Variants in KMT2C observed in about 807,000 individuals in gnomAD.
KMT2C encodes histone-lysine N-methyltransferase 2C.
Under a neutral mutation model 507.9 loss-of-function variants are expected in KMT2C, and 88 were observed. The ratio of observed to expected loss-of-function variants is 0.17; its 90% confidence interval spans 0.15 to 0.21. The LOEUF is 0.21. Among genes scored for constraint, KMT2C ranks in the 10% least tolerant of loss-of-function variants. The pLI is 1.00. For synonymous variants in KMT2C, 2,049 were observed against 2,080.8 expected, an observed-to-expected ratio of 0.98 and a Z score of 0.42; for missense variants, 4,954 against 5,957.8, an observed-to-expected ratio of 0.83 and a Z score of 5.55.
chr7:152,307,181 A>G (rs1330287074), intron 6 of KMT2C, among the ~76,000 whole-genome samples: 1 of 138,912 alleles, frequency 7.2e-6, no homozygotes, highest in African/African-American at 2.6e-5. Flanking sequence ...AAGAGGAAGG[A>G]AGGAAAGAAG....
chr7:152,317,300 C>CA (rs1209983953), intron 3 of KMT2C, among the ~76,000 whole-genome samples: 2 of 152,160 alleles, frequency 1.3e-5, no homozygotes, highest in Non-Finnish European at 2.9e-5. Flanking sequence ...TCAAACACCT[C>CA]AGAGTAATTT....
At chr7:152,158,705 G>A (rs2092258221) in intron 44 of KMT2C, among the ~76,000 whole-genome samples, 158 bp downstream of exon 44, 1 of 152,020 alleles carries the variant, frequency 6.6e-6, no homozygotes, top group Non-Finnish European at 1.5e-5. Context: ...TCGTAGAGAT[G>A]AGGTTTTGCC....
chr7:152,307,533 C>T (rs1335192144), intron 6 of KMT2C, among the ~76,000 whole-genome samples: 2 of 152,116 alleles, frequency 1.3e-5, no homozygotes, highest in East Asian at 3.9e-4. Flanking sequence ...TTCTAATCCC[C>T]ACATGGTCTA....
intron 6 of KMT2C, among the ~76,000 whole-genome samples, chr7:152,277,452 T>TA (rs1338035268): frequency 6.6e-6 from 1 of 152,170 alleles, no homozygotes; most frequent in Non-Finnish European, 1.5e-5. Flanking sequence ...AAAAGTTATG[T>TA]AAATATCTAA....
At chr7:152,367,573 T>C (rs950161014) in intron 1 of KMT2C, 33 of 1,273,058 alleles carry the variant, frequency 2.6e-5, no homozygotes, top group Non-Finnish European at 3.2e-5. Context: ...CCTTACAGAT[T>C]TGTATGCTCC....
chr7:152,284,698 A>T (rs556953507), intron 6 of KMT2C, among the ~76,000 whole-genome samples: 7 of 152,316 alleles, frequency 4.6e-5, no homozygotes, highest in East Asian at 3.9e-4. Flanking sequence ...TATATAAAAA[A>T]ACTCTTACAA....
chr7:152,281,693 C>T (rs182046712), intron 6 of KMT2C, among the ~76,000 whole-genome samples: 7 of 152,064 alleles, frequency 4.6e-5, no homozygotes, highest in African/African-American at 1.7e-4. Flanking sequence ...GATCGCGCCA[C>T]TGCACTCCAG....
chr7:152,253,092 T>G (rs1315249352), intron 9 of KMT2C, among the ~76,000 whole-genome samples: 1 of 152,052 alleles, frequency 6.6e-6, no homozygotes, highest in Non-Finnish European at 1.5e-5. Context: ...TGACCTCAAG[T>G]GATCTGCCTG....
chr7:152,206,302 G>C (rs13236408), intron 24 of KMT2C, among the ~76,000 whole-genome samples: 2,908 of 151,818 alleles, frequency 0.019, 34 homozygotes, highest in Non-Finnish European at 0.029. Context: ...AAAAAAAAAC[G>C]GTAAATACAA....
intron 1 of KMT2C, among the ~76,000 whole-genome samples, chr7:152,359,665 GA>G (rs1554675684): frequency 3.7e-5 from 5 of 134,348 alleles, no homozygotes; most frequent in African/African-American, 1.6e-4. Flanking sequence ...TCCAGCTAAA[GA>G]AAAAAAACAA....
Position 152,151,356 on chromosome 7 carries a change from G to C in KMT2C, c.12666+86C>G, listed in dbSNP as rs915870508. 7.7e-5 allele frequency: 106 copies of C among 1,385,376 alleles called. No homozygotes were observed. The Middle Eastern group carries it at 1.3e-3, about 17-fold the overall frequency. 85.8% of individuals were successfully genotyped at this position (1,385,376 alleles called of 1,614,324 possible). A position where few individuals can be genotyped will look rare whatever the true frequency, so the allele number is the denominator to read the frequency against. On this transcript the variant is annotated intron_variant, in intron 50 of 58. Transcript: ENST00000262189. ...TGTCCATCACACCACCATAAGTGGT[G>C]TCTCTCTCTGATGTTGGAAGAGACA...
chr7:152,228,144 G>C (rs897797934), intron 18 of KMT2C, among the ~76,000 whole-genome samples: 8 of 152,154 alleles, frequency 5.3e-5, no homozygotes, highest in African/African-American at 1.9e-4. Context: ...ATATTGTACA[G>C]GTTGTGCTTC....
In KMT2C at chr7:152,248,230, C is replaced by G. The variant is rs1395159887; in HGVS notation, c.2204G>C (p.Gly735Ala). ...EQKENSELST[G>A]LMDSEMTPTI... ...AGGAGTCATTTCAGAGTCCATCAAT[C>G]CAGTAGAAAGTTCAGAATTTTCTTT... Residue 735 changes from glycine (G) to alanine (A), a missense_variant, in exon 14 of 59, where the codon GGA becomes GCA. By Grantham distance (60) the Gly-to-Ala change is moderately conservative. Around this residue, in one of 29 missense-constraint regions of KMT2C, gnomAD observed 376 missense variants for 352.4 expected, o/e 1.07. Coordinates refer to ENST00000262189, the MANE Select transcript of KMT2C (RefSeq NM_170606.3). 2 of 1,613,872 alleles carry G rather than the reference C, an allele frequency of 1.2e-6. No individual in the cohort carries two copies. Among genetic ancestry groups the G allele is most frequent in the Non-Finnish European group, 1.7e-6 (2 of 1,179,850 alleles).
At chr7:152,298,747 T>C (rs932561126) in intron 6 of KMT2C, among the ~76,000 whole-genome samples, 22 of 152,328 alleles carry the variant, frequency 1.4e-4, no homozygotes, top group African/African-American at 5.1e-4. Context: ...CTTTTAAATT[T>C]TTTATTATTT....
At chr7:152,341,919 A>G (rs1410605113) in intron 2 of KMT2C, among the ~76,000 whole-genome samples, 1 of 152,140 alleles carries the variant, frequency 6.6e-6, no homozygotes, top group East Asian at 1.9e-4. Context: ...TAAAATAATA[A>G]TATCACTAAA....
intron 6 of KMT2C, among the ~76,000 whole-genome samples, chr7:152,307,443 C>T (rs572486601): frequency 6.6e-6 from 1 of 151,924 alleles, no homozygotes; most frequent in Non-Finnish European, 1.5e-5. Flanking sequence ...AATGGCGACA[C>T]AAAACTGACA....
At chr7:152,349,336 C>T (rs1456951980) in intron 2 of KMT2C, among the ~76,000 whole-genome samples, 2 of 151,670 alleles carry the variant, frequency 1.3e-5, no homozygotes, top group Non-Finnish European at 2.9e-5. Context: ...ACCAGCTACT[C>T]GGGAGGCTGA....
At position 152,138,819 on chromosome 7, in the gene KMT2C, G is replaced by A. The variant is rs1587587110; in HGVS notation, c.14620C>T (p.Arg4874Trp). 1.2e-6 allele frequency: 2 copies of A among 1,608,440 alleles called. No homozygotes were observed. Among genetic ancestry groups the A allele is most frequent in the Non-Finnish European group, 1.7e-6 (2 of 1,177,354 alleles). Residue 4874 changes from arginine to tryptophan, a missense_variant, in exon 58 of 59, where the codon CGG (arginine) becomes TGG (tryptophan). By Grantham distance (101) the Arg-to-Trp change is moderately radical. Transcript: ENST00000262189. The surrounding 1 kb of genome is among the most constrained non-coding windows in gnomAD (Gnocchi z 4.2). ...ACCTCTTCTCCTTTCTGGATTCTCC[G>A]ACTGGAGCTGATGATAATTTTGTGT... ...RGHKIIISSS[R>W]RIQKGEELCY...
chr7:152,226,219 C>A (rs190567291), intron 18 of KMT2C, among the ~76,000 whole-genome samples: 1,077 of 94,934 alleles, frequency 0.011, 53 homozygotes, highest in African/African-American at 0.043. Flanking sequence ...ATTACAAGGC[C>A]TTTTTTTTTT....
Sources: gnomAD v4.1 joint callset for allele counts (sites outside exome capture counted in the v4.1 genomes callset) on GRCh38, gnomAD v4.1.1 for gene constraint, gnomAD v4.1.1 regional missense constraint, Gnocchi (gnomAD v3.1) non-coding constraint, MANE v1.5 for transcripts, NCBI Gene and HGNC (gene_info 2026-07-23, HGNC 2026-07-21) for gene names.